Variants in STK3 observed in about 807,000 individuals in gnomAD.
STK3 encodes the protein serine/threonine kinase 3.
A neutral mutation model predicts 58.0 loss-of-function variants in STK3; 41 were observed. That is an observed-to-expected ratio of 0.71 (90% CI 0.55 to 0.92). The LOEUF (loss-of-function observed/expected upper bound fraction) is 0.92. Ranked by LOEUF, STK3 falls within the 40% of genes least tolerant of loss-of-function variation. The pLI, the probability that STK3 is intolerant of heterozygous loss-of-function variation, is 0.00. For synonymous variants in STK3, 170 were observed against 191.0 expected (o/e 0.89, Z 0.91); for missense variants, 479 against 602.7 (o/e 0.79, Z 2.15).
chr8:98,494,654 CAA>C (rs398008984), intron 10 of STK3, among the ~76,000 whole-genome samples: 9 of 40,458 alleles, frequency 2.2e-4, no homozygotes, highest in South Asian at 1.3e-3. Context: ...GACCCTGTCT[CAA>C]AAAAAAAAAA....
At chr8:98,924,995 A>G (rs1266177278) in intron 1 of STK3, among the ~76,000 whole-genome samples, 1 of 152,210 alleles carries the variant, frequency 6.6e-6, no homozygotes, top group Non-Finnish European at 1.5e-5. Flanking sequence ...ACAAAGGAGA[A>G]AACTACTCAC....
chr8:98,391,788 C>A (rs1039458406), upstream of STK3, among the ~76,000 whole-genome samples: 1 of 152,078 alleles, frequency 6.6e-6, no homozygotes, highest in African/African-American at 2.4e-5. Context: ...TAACTAGAAC[C>A]GGGACACAAT....
In STK3 at chr8:98,738,814, GT is replaced by G. The variant is rs910301362; in HGVS notation, c.351+10461del. ...TTGCCTCACTCGGGAAGCGCAAGGGGTTCAGGGAGTTCCCTTTCCTAGTCAA... is the reference window on the plus strand; with the variant it reads ...TTGCCTCACTCGGGAAGCGCAAGGGGTCAGGGAGTTCCCTTTCCTAGTCAA... On this transcript the variant is annotated intron_variant, in intron 4 of 10. Transcript: ENST00000419617. Among the ~76,000 whole-genome samples, 1,320 of 152,354 alleles carry G rather than the reference GT, an allele frequency of 8.7e-3. 10 individuals are homozygous for G. The highest frequency in any genetic ancestry group is 0.03 in the African/African-American group (1,229 of 41,578).
intron 6 of STK3, among the ~76,000 whole-genome samples, chr8:98,704,719 G>A (rs536822608): frequency 2.0e-5 from 3 of 152,306 alleles, no homozygotes; most frequent in Non-Finnish European, 4.4e-5. Context: ...CTTAAAGGAA[G>A]AGGCCACATA....
intron 3 of STK3, among the ~76,000 whole-genome samples, chr8:98,831,654 T>C (rs1225290504): frequency 6.6e-6 from 1 of 152,238 alleles, no homozygotes; most frequent in Non-Finnish European, 1.5e-5. Flanking sequence ...GAGAAATCAC[T>C]AATCAAATAT....
At chr8:98,464,688 A>G (rs1171421193) in intron 10 of STK3, among the ~76,000 whole-genome samples, 1 of 152,112 alleles carries the variant, frequency 6.6e-6, no homozygotes, top group Non-Finnish European at 1.5e-5. Flanking sequence ...ACTACTATGA[A>G]GCCTGTTTAA....
intron 1 of STK3, among the ~76,000 whole-genome samples, chr8:98,899,746 G>A (rs1339493515): frequency 1.3e-5 from 2 of 152,120 alleles, no homozygotes; most frequent in Non-Finnish European, 2.9e-5. Context: ...ACCCTGGGAG[G>A]TAAAAATTAT....
chr8:98,536,541 T>A (rs191612857), intron 9 of STK3, among the ~76,000 whole-genome samples: 24 of 152,246 alleles, frequency 1.6e-4, no homozygotes, highest in African/African-American at 5.5e-4. Flanking sequence ...TTTGCTCTTT[T>A]CTACTGCCTG....
At chr8:98,599,698 G>A (rs1214625682) in intron 6 of STK3, among the ~76,000 whole-genome samples, 1 of 152,162 alleles carries the variant, frequency 6.6e-6, no homozygotes, top group Non-Finnish European at 1.5e-5. Flanking sequence ...TAGGCCAGGT[G>A]CAGTGACTCA....
intron 7 of STK3, among the ~76,000 whole-genome samples, chr8:98,588,692 T>C (rs1354046273): frequency 6.7e-6 from 1 of 150,354 alleles, no homozygotes; most frequent in Non-Finnish European, 1.5e-5. Flanking sequence ...CTGCAGAGTG[T>C]TTTCCAACTT....
intron 4 of STK3, among the ~76,000 whole-genome samples, chr8:98,728,906 C>T (rs970048697): frequency 6.6e-6 from 1 of 151,850 alleles, no homozygotes; most frequent in African/African-American, 2.4e-5. Context: ...CTTGATATGC[C>T]CTTACCAAGA....
intron 10 of STK3, among the ~76,000 whole-genome samples, chr8:98,476,154 T>G (rs1299267933): frequency 6.6e-6 from 1 of 152,216 alleles, no homozygotes; most frequent in Non-Finnish European, 1.5e-5. Context: ...TAATGTTACC[T>G]GTGTATTCAA....
chr8:98,360,721 T>C, the STK3 span, among the ~76,000 whole-genome samples: 1 of 152,220 alleles, frequency 6.6e-6, no homozygotes, highest in Admixed American at 6.5e-5. Context: ...TGCAGCCATT[T>C]TGGAAGACAT....
chr8:98,841,041 G>A (rs1835961788), intron 3 of STK3, among the ~76,000 whole-genome samples: 1 of 152,212 alleles, frequency 6.6e-6, no homozygotes, highest in Admixed American at 6.5e-5. Context: ...CAGCCATGTG[G>A]CCGTCTCTAG....
At chr8:98,580,349 C>T (rs1387033455) in intron 7 of STK3, among the ~76,000 whole-genome samples, 2 of 152,040 alleles carry the variant, frequency 1.3e-5, no homozygotes, top group Non-Finnish European at 2.9e-5. Context: ...TAACTTGTCA[C>T]TTTTTAAAAA....
chr8:98,561,233 C>T (rs555281527), intron 8 of STK3, among the ~76,000 whole-genome samples: 7 of 150,286 alleles, frequency 4.7e-5, no homozygotes, highest in Admixed American at 1.3e-4. Flanking sequence ...GAAAATGACA[C>T]AAAGGCAACT....
intron 3 of STK3, among the ~76,000 whole-genome samples, chr8:98,402,085 C>T (rs535121016): frequency 6.6e-6 from 1 of 152,284 alleles, no homozygotes; most frequent in East Asian, 1.9e-4. Flanking sequence ...TTCTATACTT[C>T]CCCAGGTATA....
At chr8:98,367,515 C>G (rs1013560488), downstream of STK3, among the ~76,000 whole-genome samples, 1 of 152,230 alleles carries the variant, frequency 6.6e-6, no homozygotes, top group Non-Finnish European at 1.5e-5. Flanking sequence ...AGGCTGCAGG[C>G]CAACTGCTGT....
At chr8:98,810,002 T>A (rs1294479525) in intron 1 of STK3, among the ~76,000 whole-genome samples, 1 of 152,118 alleles carries the variant, frequency 6.6e-6, no homozygotes, top group South Asian at 2.1e-4. Context: ...CTTCCAACCA[T>A]GGTGGAAGGC....
Sources: allele counts gnomAD v4.1 joint callset (sites outside exome capture counted in the v4.1 genomes callset), GRCh38; gene constraint gnomAD v4.1.1; transcripts MANE v1.5; gene names NCBI Gene and HGNC (gene_info 2026-07-23, HGNC 2026-07-21).